Variants in VIL1 observed in about 807,000 individuals in gnomAD.
VIL1 encodes the protein villin 1, also known as villin-1.
In VIL1, 86 loss-of-function variants were observed where a neutral mutation model predicts 104.0. The observed-to-expected ratio is 0.83, with a 90% confidence interval of 0.69 to 0.99. VIL1 has a LOEUF of 0.99. VIL1 is among the 50% of genes least tolerant of loss of function. VIL1 has a pLI of 0.00. For missense variants in VIL1, 944 were observed against 1,054.1 expected, an observed-to-expected ratio of 0.90 and a Z score of 1.45; for synonymous variants, 394 against 412.6, an observed-to-expected ratio of 0.95 and a Z score of 0.55.
Position 218,431,838 on chromosome 2 carries a change from A to T in VIL1, c.1103-19A>T. ...ACCTCAGCTGGTGACAGTTGGTTTC[A>T]TGATTTCCCCCACTCTAGCCAAAGT... On this transcript the variant is annotated intron_variant, in intron 10 of 19. Transcript: ENST00000248444. The T allele has an allele frequency of 6.2e-7, 1 of 1,607,064 alleles. No homozygotes were observed.
At chr2:218,422,685 T>C (rs1688918687) in intron 1 of VIL1, among the ~76,000 whole-genome samples, 2 of 152,054 alleles carry the variant, frequency 1.3e-5, no homozygotes, top group Admixed American at 1.3e-4. Context: ...AAGGAGAGAT[T>C]AGATAGTGAG....
intron 19 of VIL1, 92 bp from the exon 20 acceptor site, chr2:218,449,131 C>G (rs1466143366): frequency 1.2e-6 from 1 of 856,452 alleles, no homozygotes. Flanking sequence ...TTATATACCA[C>G]ATCTATGACT....
rs1267634846 is a variant in VIL1, at chr2:218,451,130, T to G, written c.*1794T>G. 1 of 152,174 alleles carries G rather than the reference T, an allele frequency of 6.6e-6. No individual in the cohort carries two copies. The highest frequency in any genetic ancestry group is 1.5e-5 in the Non-Finnish European group (1 of 68,022). 9.4% of individuals were successfully genotyped at this position (152,174 alleles called of 1,614,324 possible). On this transcript the variant is annotated 3_prime_UTR_variant, in exon 20 of 20. Coordinates refer to ENST00000248444, the MANE Select transcript of VIL1 (RefSeq NM_007127.3). ...AGACAAAATTAGGATTTTGAAGTAA[T>G]GCAATAAAAAGATGTTGGAGGGCAG...
chr2:218,442,826 C>A (rs1024501517), intron 19 of VIL1, among the ~76,000 whole-genome samples: 1 of 152,086 alleles, frequency 6.6e-6, no homozygotes, highest in Admixed American at 6.6e-5. Context: ...TTAAGGGTTT[C>A]GGCTCAATAT....
intron 10 of VIL1, chr2:218,431,335 G>T: frequency 7.4e-6 from 1 of 135,370 alleles, no homozygotes; most frequent in East Asian, 2.1e-4. Flanking sequence ...TGGGCAACAA[G>T]AGCGAAACTC....
rs771869997 is a variant in VIL1, at chr2:218,451,851, G to A, written c.*2515G>A. The A allele has an allele frequency of 2.6e-5, 4 of 152,704 alleles. 1 individual carries two copies. The South Asian group carries it at 8.3e-4, about 32-fold the overall frequency. The allele number at this position is 152,704 out of a possible 1,614,324, so 9.5% of individuals were successfully genotyped here. A position where few individuals can be genotyped will look rare whatever the true frequency, so the allele number is the denominator to read the frequency against. On this transcript the variant is annotated 3_prime_UTR_variant, in exon 20 of 20. Coordinates refer to ENST00000248444, the MANE Select transcript of VIL1 (RefSeq NM_007127.3). ...GAGCCTTTAAGGTTAGGCCCAGAATGAACAGACCATAGCAAGTAAACAAAT... is the reference window on the plus strand; with the variant it reads ...GAGCCTTTAAGGTTAGGCCCAGAATAAACAGACCATAGCAAGTAAACAAAT...
intron 19 of VIL1, among the ~76,000 whole-genome samples, chr2:218,443,812 G>T (rs530336733): frequency 6.6e-6 from 1 of 150,994 alleles, no homozygotes; most frequent in Non-Finnish European, 1.5e-5. Context: ...ACACCATCAC[G>T]CCTGGCTAAT....
At chr2:218,439,568 C>G (rs1689249272) in intron 18 of VIL1, among the ~76,000 whole-genome samples, 1 of 152,006 alleles carries the variant, frequency 6.6e-6, no homozygotes, top group African/African-American at 2.4e-5. Flanking sequence ...CCTGTAATCT[C>G]AGCACTTTGG....
At position 218,449,257 on chromosome 2, in the gene VIL1, T is replaced by C. The variant is rs767343909; in HGVS notation, c.2405T>C (p.Phe802Ser). The change falls in exon 20 of 20, where the codon TTT (phenylalanine) becomes TCT (serine). Residue 802 changes from phenylalanine (F) to serine (S), a missense_variant. Transcript: ENST00000248444. ...HLSIEDFTQA[F>S]GMTPAAFSAL... ...TCCATTGAAGATTTCACTCAGGCCT[T>C]TGGGATGACTCCAGCTGCCTTCTCT... 66 of 1,613,906 alleles carry C rather than the reference T, an allele frequency of 4.1e-5. No individual in the cohort carries two copies. The highest frequency in any genetic ancestry group is 6.7e-5 in the Admixed American group (4 of 60,000).
chr2:218,436,772 T>A, intron 16 of VIL1, 146 bp downstream of exon 16: 1 of 1,095,488 alleles, frequency 9.1e-7, no homozygotes. Context: ...ACCAGAAGTG[T>A]AAGAAAGAAG....
chr2:218,423,967 T>C, intron 2 of VIL1, 114 bp downstream of exon 2: 1 of 1,242,416 alleles, frequency 8.0e-7, no homozygotes, highest in Non-Finnish European at 1.2e-6. Context: ...CTGAAGCCCC[T>C]GAGAGCTCAG....
chr2:218,423,771 C>A lies in VIL1; in HGVS notation c.-8C>A. On this transcript the variant is annotated 5_prime_UTR_variant, in exon 2 of 20. Coordinates refer to ENST00000248444, the MANE Select transcript of VIL1 (RefSeq NM_007127.3). ...CTCCCAACGCCTTCTCCCCCAGGCT[C>A]ACTCACCATGACCAAGCTGAGCGCC... The A allele has an allele frequency of 1.9e-6, 3 of 1,614,116 alleles. No homozygotes were observed. The highest frequency in any genetic ancestry group is 2.5e-6 in the Non-Finnish European group (3 of 1,180,002).
At chr2:218,421,181 G>A (rs1239502996) in intron 1 of VIL1, among the ~76,000 whole-genome samples, 1 of 152,118 alleles carries the variant, frequency 6.6e-6, no homozygotes, top group Non-Finnish European at 1.5e-5. Context: ...GGCGTGGGGT[G>A]AGAGGCAGCA....
Position 218,434,444 on chromosome 2 carries a change from C to T in VIL1, c.1501-82C>T, listed in dbSNP as rs1369762444. 4.9e-6 allele frequency: 7 copies of T among 1,439,724 alleles called. No individual in the cohort carries two copies. The Admixed American group carries it at 1.2e-4, about 26-fold the overall frequency. The allele number at this position is 1,439,724 out of a possible 1,614,324, so 89.2% of individuals were successfully genotyped here. On this transcript the variant is annotated intron_variant, in intron 13 of 19. Transcript: ENST00000248444. ...CTCAGGGGCAAACCTCCCCGCCCTA[C>T]CCTATCCCCCTCTGTTCCCCATCAT...
chr2:218,423,611 C>T (rs1443595168), intron 1 of VIL1, among the ~76,000 whole-genome samples, 157 bp from the exon 2 acceptor site: 1 of 152,098 alleles, frequency 6.6e-6, no homozygotes, highest in African/African-American at 2.4e-5. Context: ...TGGTACTAAA[C>T]AAGCGGAAAT....
intron 6 of VIL1, among the ~76,000 whole-genome samples, chr2:218,428,757 C>T (rs908165250): frequency 1.3e-5 from 2 of 152,172 alleles, no homozygotes; most frequent in Admixed American, 6.5e-5. Flanking sequence ...CCGCAACCTC[C>T]GCCTTCTGGG....
intron 6 of VIL1, 128 bp from the exon 7 acceptor site, chr2:218,429,157 A>T: frequency 9.2e-7 from 1 of 1,085,790 alleles, no homozygotes; most frequent in South Asian, 1.6e-5. Context: ...GACGGGGAAA[A>T]GCAGGGCAGG....
chr2:218,429,099 C>T (rs1318524063), intron 6 of VIL1, among the ~76,000 whole-genome samples, 186 bp from the exon 7 acceptor site: 3 of 152,360 alleles, frequency 2.0e-5, no homozygotes, highest in Non-Finnish European at 4.4e-5. Context: ...GCTCTCCCAG[C>T]TGCCTTCCCC....
chr2:218,423,881 G>T, intron 2 of VIL1, 28 bp downstream of exon 2: 3 of 1,613,366 alleles, frequency 1.9e-6, no homozygotes, highest in Non-Finnish European at 1.7e-6. Context: ...CATGGGGGCT[G>T]CTCAGGCCTG....
Sources: allele counts gnomAD v4.1 joint callset (sites outside exome capture counted in the v4.1 genomes callset), GRCh38; gene constraint gnomAD v4.1.1; transcripts MANE v1.5; gene names NCBI Gene and HGNC (gene_info 2026-07-23, HGNC 2026-07-21).